COL5A2: variants seen among roughly 807,000 people sequenced by gnomAD.
COL5A2 encodes collagen alpha-2(V) chain.
In COL5A2, 23 loss-of-function variants were observed where a neutral mutation model predicts 208.2. The observed-to-expected ratio is 0.11, with a 90% CI of 0.08 to 0.16. The LOEUF (loss-of-function observed/expected upper bound fraction) is 0.16, where lower values mean the gene tolerates loss of function less well. COL5A2 is among the 10% of genes least tolerant of loss of function. The pLI, the probability that COL5A2 is intolerant of heterozygous loss-of-function variation, is 1.00. For missense variants in COL5A2, 1,590 were observed against 1,956.4 expected, an observed-to-expected ratio of 0.81 and a Z score of 3.53; for synonymous variants, 625 against 628.5, an observed-to-expected ratio of 0.99 and a Z score of 0.08.
intron 12 of COL5A2, among the ~76,000 whole-genome samples, chr2:189,082,711 C>T (rs1191851533): frequency 1.3e-5 from 2 of 152,210 alleles, no homozygotes; most frequent in African/African-American, 4.8e-5. Context: ...TGCAATCACA[C>T]ATTGCACTGA....
chr2:189,072,765 C>CAAAAAAAA (rs58636533), intron 17 of COL5A2, among the ~76,000 whole-genome samples: 4,036 of 67,296 alleles, frequency 0.06, 151 homozygotes, highest in South Asian at 0.084. Flanking sequence ...ACTCCATCTC[C>CAAAAAAAA]AAAAAAAAAA....
intron 1 of COL5A2, among the ~76,000 whole-genome samples, chr2:189,210,432 G>GAAA (rs34973641): frequency 7.4e-6 from 1 of 134,884 alleles, no homozygotes; most frequent in Non-Finnish European, 1.6e-5. Flanking sequence ...TGTTGAGCTT[G>GAAA]AAAAAAAAAA....
Position 189,056,977 on chromosome 2 carries a change from G to T in COL5A2, c.2387C>A (p.Ala796Glu), listed in dbSNP as rs1003857252. The T allele has an allele frequency of 5.6e-6, 9 of 1,613,898 alleles. No homozygotes were observed. Among genetic ancestry groups the T allele is most frequent in the Non-Finnish European group, 7.6e-6 (9 of 1,179,896 alleles). Residue 796 changes from alanine (A) to glutamate (E), a missense_variant, in exon 35 of 54, where the codon GCA (alanine) becomes GAA (glutamate). By Grantham distance (107) the Ala-to-Glu change is moderately radical (BLOSUM62 -1). Transcript: ENST00000374866. The part of the protein sequence containing the change: ...GAEGTAGNDG[A>E]RGLPGPLGPP... The stretch of plus-strand genomic sequence containing the variant: ...AAAAGGAATACTTTCACTTACTCTT[G>T]CACCATCATTTCCAGCTGTGCCTTC...
intron 1 of COL5A2, among the ~76,000 whole-genome samples, chr2:189,190,847 G>A (rs1211486425): frequency 1.3e-5 from 2 of 152,176 alleles, no homozygotes; most frequent in East Asian, 3.9e-4. Flanking sequence ...ATGCACATTT[G>A]TTAGAGAGAT....
the COL5A2 span, among the ~76,000 whole-genome samples, chr2:189,253,875 C>A: frequency 6.6e-6 from 1 of 152,172 alleles, no homozygotes; most frequent in Non-Finnish European, 1.5e-5. Flanking sequence ...TGAGACCCTT[C>A]CCCACTGCAA....
the COL5A2 span, among the ~76,000 whole-genome samples, chr2:189,427,081 C>A: frequency 6.6e-6 from 1 of 152,202 alleles, no homozygotes; most frequent in Non-Finnish European, 1.5e-5. Flanking sequence ...TTCAGAGACC[C>A]TCATGACAGC....
intron 1 of COL5A2, among the ~76,000 whole-genome samples, chr2:189,119,985 T>C (rs1010817586): frequency 2.6e-5 from 4 of 152,084 alleles, no homozygotes; most frequent in African/African-American, 9.7e-5. Context: ...TATTTAAAGA[T>C]GTCATAAAGA....
At chr2:189,185,964 A>C (rs1688846315) in intron 1 of COL5A2, among the ~76,000 whole-genome samples, 3 of 152,162 alleles carry the variant, frequency 2.0e-5, no homozygotes, top group Admixed American at 2.0e-4. Context: ...CATAGAAATG[A>C]TTAGGTGCAT....
At chr2:189,097,169 A>T in intron 6 of COL5A2, 108 bp downstream of exon 6, 1 of 974,288 alleles carries the variant, frequency 1.0e-6, no homozygotes, top group Non-Finnish European at 1.6e-6. Flanking sequence ...GTAAAATTTA[A>T]TGGAGGTGAA....
At chr2:189,116,282 G>A (rs1687388845) in intron 1 of COL5A2, among the ~76,000 whole-genome samples, 1 of 152,188 alleles carries the variant, frequency 6.6e-6, no homozygotes, top group Non-Finnish European at 1.5e-5. Context: ...CTTTAGTAAT[G>A]CACAGCAGAG....
intron 1 of COL5A2, among the ~76,000 whole-genome samples, chr2:189,210,631 C>A (rs976217089): frequency 6.6e-6 from 1 of 152,138 alleles, no homozygotes; most frequent in Non-Finnish European, 1.5e-5. Flanking sequence ...TTAGGGTTTT[C>A]TTTAATGTTT....
the COL5A2 span, among the ~76,000 whole-genome samples, chr2:189,426,554 CTG>C: frequency 2.6e-5 from 4 of 152,222 alleles, no homozygotes; most frequent in Non-Finnish European, 5.9e-5. Context: ...TAAAGCCAAA[CTG>C]TGCTCTAACC....
intron 11 of COL5A2, 23 bp downstream of exon 11, chr2:189,085,137 G>A (rs770523676): frequency 6.2e-7 from 1 of 1,606,516 alleles, no homozygotes; most frequent in Non-Finnish European, 8.5e-7. Flanking sequence ...AACCTGAATG[G>A]AAAATGAGGA....
chr2:189,333,205 GATAGAA>G, the COL5A2 span, among the ~76,000 whole-genome samples: 1 of 152,094 alleles, frequency 6.6e-6, no homozygotes, highest in Admixed American at 6.5e-5. Context: ...AAAATTTAAA[GATAGAA>G]ATAGAAATCA....
the COL5A2 span, among the ~76,000 whole-genome samples, chr2:189,349,395 T>C: frequency 6.6e-6 from 1 of 151,946 alleles, no homozygotes; most frequent in Admixed American, 6.6e-5. Flanking sequence ...TCTACACAAA[T>C]AAAATTAGAG....
At chr2:189,336,451 C>G in the COL5A2 span, among the ~76,000 whole-genome samples, 3 of 152,014 alleles carry the variant, frequency 2.0e-5, no homozygotes, top group African/African-American at 7.2e-5. Context: ...TTTACAATAG[C>G]CCAAACTGGA....
chr2:189,247,732 T>G, the COL5A2 span, among the ~76,000 whole-genome samples: 140,748 of 152,050 alleles, frequency 0.93, 65,431 homozygotes, highest in East Asian at 1. Context: ...GGACCAAGCT[T>G]CCACACCCTG....
intron 16 of COL5A2, 34 bp from the exon 17 acceptor site, chr2:189,075,471 G>T (rs1359443229): frequency 6.4e-7 from 1 of 1,553,874 alleles, no homozygotes; most frequent in Non-Finnish European, 8.9e-7. Flanking sequence ...GACAGGATAA[G>T]ATTACATTTT....
the COL5A2 span, among the ~76,000 whole-genome samples, chr2:189,293,892 T>C: frequency 9.2e-5 from 14 of 152,124 alleles, no homozygotes; most frequent in Non-Finnish European, 1.5e-4. Context: ...GAAACCATCC[T>C]GGCTAACACG....
Sources: gnomAD v4.1 joint callset for allele counts (sites outside exome capture counted in the v4.1 genomes callset) on GRCh38, gnomAD v4.1.1 for gene constraint, MANE v1.5 for transcripts, NCBI Gene and HGNC (gene_info 2026-07-23, HGNC 2026-07-21) for gene names.